The following MCM3AP variants were observed in gnomAD, a reference collection of about 807,000 sequenced individuals.
The protein encoded by MCM3AP is minichromosome maintenance complex component 3 associated protein.
A neutral mutation model predicts 184.1 loss-of-function variants in MCM3AP; 126 were observed. That is an observed-to-expected ratio of 0.68 (90% CI 0.59 to 0.79). MCM3AP has a LOEUF of 0.79. Ranked by LOEUF, MCM3AP falls within the 30% of genes least tolerant of loss-of-function variation. The pLI is 0.00. For missense variants in MCM3AP, 2,496 were observed against 2,479.2 expected, an observed-to-expected ratio of 1.01 and a Z score of -0.14; for synonymous variants, 1,002 against 979.3, an observed-to-expected ratio of 1.02 and a Z score of -0.43.
intron 3 of MCM3AP, 112 bp from the exon 4 acceptor site, chr21:46,280,249 AGAG>A: frequency 8.1e-7 from 1 of 1,229,586 alleles, no homozygotes; most frequent in Non-Finnish European, 1.2e-6. Context: ...ACAGGAGGTT[AGAG>A]AAGAGCCCAA....
intron 26 of MCM3AP, among the ~76,000 whole-genome samples, chr21:46,240,290 C>CA (rs1236776883): frequency 1.3e-5 from 2 of 152,098 alleles, no homozygotes; most frequent in African/African-American, 2.4e-5. Context: ...GCAGGGAAGG[C>CA]AGAGGACAAC....
chr21:46,280,544 T>C lies in MCM3AP; in HGVS notation c.1475A>G (p.Lys492Arg). The change falls in exon 3 of 28, where the codon AAA (lysine) becomes AGA (arginine). Residue 492 changes from lysine to arginine, a missense_variant. Physicochemically the swap from Lys to Arg is conservative, Grantham distance 26. This residue lies in a region of MCM3AP where 800 missense variants were observed against 717.1 expected (regional missense o/e 1.12). Transcript: ENST00000291688. ...GATAGCCATGTCTTTATGCAAACTT[T>C]TCCCCTTCTTTCTAGCCAGGGCTGC... ...ASAALARKKG[K>R]SLHKDMAIFW... is the part of the protein sequence containing the mutation. The C allele has an allele frequency of 1.2e-6, 2 of 1,613,054 alleles. No individual in the cohort carries two copies. The highest frequency in any genetic ancestry group is 1.7e-6 in the Non-Finnish European group (2 of 1,179,260).
chr21:46,258,565 A>G (rs1772725358), intron 16 of MCM3AP, among the ~76,000 whole-genome samples: 1 of 152,272 alleles, frequency 6.6e-6, no homozygotes, highest in East Asian at 1.9e-4. Flanking sequence ...TCCACTACTT[A>G]TATTTTGAGA....
At chr21:46,283,173 C>T (rs1467832228) in intron 2 of MCM3AP, among the ~76,000 whole-genome samples, 3 of 152,202 alleles carry the variant, frequency 2.0e-5, no homozygotes, top group African/African-American at 7.2e-5. Flanking sequence ...GATCCGCCCA[C>T]CTTGGCCTCC....
Position 46,284,902 on chromosome 21 carries a change from G to A in MCM3AP, c.385C>T (p.Gln129Ter). 1 of 1,614,168 alleles carries A rather than the reference G, an allele frequency of 6.2e-7. No homozygotes were observed. Among genetic ancestry groups the A allele is most frequent in the Non-Finnish European group, 8.5e-7 (1 of 1,180,032 alleles). ...GAFPSTSAFG[Q>*]EAGEIVNSGF... ...GAGTTCACTATTTCTCCAGCTTCTTGTCCAAAAGCAGAAGTGCTTGGGAAA... is the reference window on the plus strand; with the variant it reads ...GAGTTCACTATTTCTCCAGCTTCTTATCCAAAAGCAGAAGTGCTTGGGAAA... Residue 129 changes from glutamine (Q) to a stop codon, truncating the protein, a stop_gained, in exon 1 of 28, where the codon CAA (glutamine) becomes TAA (stop). Transcript: ENST00000291688. LOFTEE classifies it high-confidence loss of function.
At chr21:46,237,100 A>ATTTTT (rs10552880) in intron 26 of MCM3AP, 121 bp from the exon 27 acceptor site, 5 of 213,412 alleles carry the variant, frequency 2.3e-5, no homozygotes, top group Non-Finnish European at 4.1e-5. Flanking sequence ...ATTTTATATA[A>ATTTTT]TTTTTTTTTT....
intron 4 of MCM3AP, 67 bp downstream of exon 4, chr21:46,279,926 G>C (rs957447155): frequency 6.7e-7 from 1 of 1,490,436 alleles, no homozygotes; most frequent in Non-Finnish European, 9.1e-7. Flanking sequence ...CCCTGACTCA[G>C]GTGTCGCTAT....
chr21:46,235,278 A>C lies in MCM3AP; in HGVS notation c.5933T>G (p.Val1978Gly). ...CACAGGTCAGGCTGCTCAAATGTCCACCATGTCTAGCAGCGCAGAGAGATG... is the reference window on the plus strand; with the variant it reads ...CACAGGTCAGGCTGCTCAAATGTCCCCCATGTCTAGCAGCGCAGAGAGATG... ...ELHLSALLDMVDI is the reference protein window; with the variant it reads ...ELHLSALLDMGDI The change falls in exon 28 of 28, where the codon GTG (valine) becomes GGG (glycine). Residue 1978 changes from valine to glycine, a missense_variant. Coordinates refer to ENST00000291688, the MANE Select transcript of MCM3AP (RefSeq NM_003906.5). 6.2e-7 allele frequency: 1 copy of C among 1,614,154 alleles called. No homozygotes were observed. Among genetic ancestry groups the C allele is most frequent in the Non-Finnish European group, 8.5e-7 (1 of 1,179,994 alleles).
intron 9 of MCM3AP, chr21:46,267,514 G>A (rs1024791648): frequency 5.5e-6 from 1 of 183,046 alleles, no homozygotes; most frequent in African/African-American, 2.4e-5. Context: ...TGGAATGCCA[G>A]CAGGAAACCA....
intron 23 of MCM3AP, 103 bp from the exon 24 acceptor site, chr21:46,243,825 T>C (rs1601488434): frequency 8.1e-7 from 1 of 1,234,118 alleles, no homozygotes; most frequent in East Asian, 2.5e-5. Context: ...AGTTGAGAAG[T>C]CTGCTTTCTA....
At chr21:46,275,143 C>T (rs1012547690) in intron 6 of MCM3AP, 43 bp downstream of exon 6, 8 of 1,580,366 alleles carry the variant, frequency 5.1e-6, no homozygotes, top group Middle Eastern at 3.4e-4. Flanking sequence ...CAAAAGCAGC[C>T]CCGTCCCCTG....
rs1161263629 is a variant in MCM3AP at position 46,265,350 on chromosome 21, G to A, written c.3205C>T (p.Pro1069Ser). 1 of 1,614,014 alleles carries A rather than the reference G, an allele frequency of 6.2e-7. No individual in the cohort carries two copies. The highest frequency in any genetic ancestry group is 1.7e-5 in the Admixed American group (1 of 60,014). Residue 1069 changes from proline (P) to serine (S), a missense_variant, in exon 12 of 28, where the codon CCA becomes TCA. Physicochemically the swap from Pro to Ser is moderately conservative, Grantham distance 74 (BLOSUM62 -1). Transcript: ENST00000291688. Reference sequence around the variant, plus strand: ...TCAGAGTACATGGGCACGGGCTCTGGAGGCGGTGGTTCAGGCTGCACAGAC... The same window carrying A: ...TCAGAGTACATGGGCACGGGCTCTGAAGGCGGTGGTTCAGGCTGCACAGAC... Reference protein sequence around the residue: ...QLSVQPEPPPPEPVPMYSDED... With the variant: ...QLSVQPEPPPSEPVPMYSDED...
chr21:46,241,302 G>T, intron 25 of MCM3AP: 1 of 316,060 alleles, frequency 3.2e-6, no homozygotes, highest in Non-Finnish European at 5.9e-6. Flanking sequence ...GCTCTCAAGA[G>T]GCAGCTAGGT....
rs1470254401 is a variant in MCM3AP at position 46,280,523 on chromosome 21, G to C, written c.1496C>G (p.Ala499Gly). Residue 499 changes from alanine (A) to glycine (G), a missense_variant, in exon 3 of 28, where the codon GCT becomes GGT. By Grantham distance (60) the Ala-to-Gly change is moderately conservative. Transcript: ENST00000291688. Reference protein sequence around the residue: ...KKGKSLHKDMAIFWHRKKISP... With the variant: ...KKGKSLHKDMGIFWHRKKISP... Reference sequence around the variant, plus strand: ...TATTTTCTTCCTGTGCCAAAAGATAGCCATGTCTTTATGCAAACTTTTCCC... The same window carrying C: ...TATTTTCTTCCTGTGCCAAAAGATACCCATGTCTTTATGCAAACTTTTCCC... 1 of 1,612,294 alleles carries C rather than the reference G, an allele frequency of 6.2e-7. No homozygotes were observed. Among genetic ancestry groups the C allele is most frequent in the Non-Finnish European group, 8.5e-7 (1 of 1,178,778 alleles).
chr21:46,258,812 A>C (rs930026240), intron 16 of MCM3AP, 127 bp downstream of exon 16: 23 of 963,496 alleles, frequency 2.4e-5, no homozygotes, highest in Non-Finnish European at 9.9e-6. Flanking sequence ...TTAGGTATTC[A>C]TTGCTATAAC....
At chr21:46,254,219 T>TA in intron 19 of MCM3AP, 173 bp downstream of exon 19, 1 of 682,428 alleles carries the variant, frequency 1.5e-6, no homozygotes. Context: ...TAATCAAATC[T>TA]AAAGTTTCAA....
intron 2 of MCM3AP, 28 bp from the exon 3 acceptor site, chr21:46,280,603 G>A (rs141652033): frequency 9.4e-4 from 1,402 of 1,497,064 alleles, no homozygotes; most frequent in Non-Finnish European, 1.2e-3. Context: ...ACCGCCATGT[G>A]TGAGTATATC....
In MCM3AP at chr21:46,267,137, G is replaced by C. The variant is rs1053330388; in HGVS notation, c.2634C>G (p.Arg878=). The change falls in exon 10 of 28, where the codon CGC becomes CGG. Residue 878 remains arginine, a synonymous_variant. Coordinates refer to ENST00000291688, the MANE Select transcript of MCM3AP (RefSeq NM_003906.5). ...AGTTGAGCGCCCGGAGAGCATCCTT[G>C]CGGATCTGAGAGGAGGAGCGAAATC... is the stretch of plus-strand genomic sequence containing the variant. The part of the protein sequence containing the change: ...CLLHCYFSQI[R]KDALRALNFA... 1 of 1,613,416 alleles carries C rather than the reference G, an allele frequency of 6.2e-7. No individual in the cohort carries two copies.
At chr21:46,261,164 A>G (rs896830090) in intron 14 of MCM3AP, 116 bp downstream of exon 14, 32 of 1,349,350 alleles carry the variant, frequency 2.4e-5, no homozygotes, top group Non-Finnish European at 3.3e-5. Flanking sequence ...TGAGTGGGTC[A>G]GCAGGGGTGG....
Sources: gnomAD v4.1 joint callset for allele counts (sites outside exome capture counted in the v4.1 genomes callset) on GRCh38, gnomAD v4.1.1 for gene constraint, gnomAD v4.1.1 regional missense constraint, MANE v1.5 for transcripts, NCBI Gene and HGNC (gene_info 2026-07-23, HGNC 2026-07-21) for gene names.